The following TIAM1 variants were observed in gnomAD, a reference collection of about 807,000 sequenced individuals.
TIAM1 encodes TIAM Rac1 associated GEF 1, also known as rho guanine nucleotide exchange factor TIAM1.
In TIAM1, 65 loss-of-function variants were observed where a neutral mutation model predicts 163.5. That is an observed-to-expected ratio of 0.40 (90% CI 0.33 to 0.49). The LOEUF is 0.49. Among genes scored for constraint, TIAM1 ranks in the 20% least tolerant of loss-of-function variants. The pLI is 0.77. For missense variants in TIAM1, 1,789 were observed against 2,044.7 expected, an observed-to-expected ratio of 0.87 and a Z score of 2.41; for synonymous variants, 833 against 810.1, an observed-to-expected ratio of 1.03 and a Z score of -0.48.
chr21:31,333,888 G>A (rs1223925796), intron 2 of TIAM1, among the ~76,000 whole-genome samples: 4 of 152,132 alleles, frequency 2.6e-5, no homozygotes, highest in Non-Finnish European at 5.9e-5. Context: ...ATGAATAAAT[G>A]AGCTAACCAT....
At chr21:31,379,557 A>T (rs549650757) in intron 2 of TIAM1, among the ~76,000 whole-genome samples, 1 of 152,292 alleles carries the variant, frequency 6.6e-6, no homozygotes, top group South Asian at 2.1e-4. Context: ...ACGTATGTCC[A>T]CACAAAAGCT....
intron 1 of TIAM1, among the ~76,000 whole-genome samples, chr21:31,508,465 T>C (rs9976139): frequency 0.64 from 95,497 of 149,886 alleles, 30,738 homozygotes; most frequent in East Asian, 0.96. Context: ...CTCGGCTCAC[T>C]GCAACCTCCG....
intron 10 of TIAM1, 150 bp downstream of exon 10, chr21:31,213,248 C>T: frequency 1.6e-6 from 1 of 620,566 alleles, no homozygotes; most frequent in African/African-American, 1.9e-5. Flanking sequence ...TTTTCCATCT[C>T]TTGTTGACTT....
chr21:31,353,384 T>C (rs1007560037), intron 2 of TIAM1, among the ~76,000 whole-genome samples: 4 of 152,190 alleles, frequency 2.6e-5, no homozygotes, highest in Non-Finnish European at 5.9e-5. Flanking sequence ...GAATTCCTCT[T>C]CCAGTCACAG....
intron 2 of TIAM1, among the ~76,000 whole-genome samples, chr21:31,425,689 T>C (rs551209481): frequency 2.1e-5 from 3 of 142,028 alleles, no homozygotes; most frequent in South Asian, 5.0e-4. Context: ...CTCTCTCTCT[T>C]TCTTTCTCTC....
chr21:31,460,775 T>C (rs563128239), intron 2 of TIAM1, among the ~76,000 whole-genome samples: 38 of 152,268 alleles, frequency 2.5e-4, no homozygotes, highest in Non-Finnish European at 4.7e-4. Flanking sequence ...TCTGAATGCA[T>C]TATAAAACAG....
intron 2 of TIAM1, among the ~76,000 whole-genome samples, chr21:31,364,895 T>C (rs2076473698): frequency 6.6e-6 from 1 of 152,186 alleles, no homozygotes; most frequent in Non-Finnish European, 1.5e-5. Flanking sequence ...AATATTTCAA[T>C]CTTTGCGAGC....
At chr21:31,200,087 C>G (rs962470914) in intron 12 of TIAM1, among the ~76,000 whole-genome samples, 10 of 152,136 alleles carry the variant, frequency 6.6e-5, no homozygotes, top group Admixed American at 3.9e-4. Flanking sequence ...AACTTGAATA[C>G]AGGTTCCACC....
At chr21:31,269,599 C>A (rs1328599313) in intron 3 of TIAM1, among the ~76,000 whole-genome samples, 1 of 151,756 alleles carries the variant, frequency 6.6e-6, no homozygotes, top group Non-Finnish European at 1.5e-5. Flanking sequence ...ACAGGAGACA[C>A]AATCTCCACT....
At chr21:31,520,760 T>C (rs560302519) in intron 1 of TIAM1, among the ~76,000 whole-genome samples, 1 of 152,228 alleles carries the variant, frequency 6.6e-6, no homozygotes, top group Non-Finnish European at 1.5e-5. Flanking sequence ...AGATTTATAT[T>C]GCACATCAAC....
intron 1 of TIAM1, among the ~76,000 whole-genome samples, chr21:31,339,831 A>G (rs1394563756): frequency 1.3e-5 from 2 of 152,200 alleles, no homozygotes; most frequent in South Asian, 4.1e-4. Context: ...AGTGTTACCA[A>G]TGAAAGCCAT....
intron 2 of TIAM1, among the ~76,000 whole-genome samples, chr21:31,312,907 T>C (rs1388048689): frequency 1.3e-5 from 2 of 152,224 alleles, no homozygotes; most frequent in African/African-American, 4.8e-5. Flanking sequence ...GAGGTTAGGT[T>C]ATGATACAGA....
intron 1 of TIAM1, among the ~76,000 whole-genome samples, chr21:31,339,847 C>T (rs894383543): frequency 7.2e-5 from 11 of 152,168 alleles, no homozygotes; most frequent in Non-Finnish European, 1.3e-4. Flanking sequence ...GCCATGCTAA[C>T]ACTTGTTTTC....
intron 2 of TIAM1, among the ~76,000 whole-genome samples, chr21:31,388,979 G>A (rs1275432247): frequency 6.6e-6 from 1 of 152,194 alleles, no homozygotes; most frequent in Non-Finnish European, 1.5e-5. Context: ...TCTGCAAAGG[G>A]CCGGATGGTA....
chr21:31,243,203 A>T lies in TIAM1; in HGVS notation c.1584+2285T>A, dbSNP rs1421242207. ...GCAAAACTTCATCTCAAAAAAAAAAAAAAAAAATATATATATATATATGTA... is the reference window on the plus strand; with the variant it reads ...GCAAAACTTCATCTCAAAAAAAAAATAAAAAAATATATATATATATATGTA... On this transcript the variant is annotated intron_variant, in intron 6 of 27. Coordinates refer to ENST00000541036, the MANE Select transcript of TIAM1 (RefSeq NM_001353694.2). Among the ~76,000 whole-genome samples the T allele has an allele frequency of 1.5e-3, 201 of 132,706 alleles. No homozygotes were observed. In the Middle Eastern group the frequency reaches 0.016, roughly 10 times the overall value. The allele number at this position is 132,706 out of a possible 152,430, so 87.1% of individuals were successfully genotyped here. A position where few individuals can be genotyped will look rare whatever the true frequency, so the allele number is the denominator to read the frequency against.
intron 10 of TIAM1, among the ~76,000 whole-genome samples, chr21:31,212,307 C>T (rs1333286634): frequency 1.3e-5 from 2 of 152,188 alleles, no homozygotes; most frequent in Admixed American, 1.3e-4. Context: ...CCACTGATGA[C>T]TGACACTACT....
intron 27 of TIAM1, among the ~76,000 whole-genome samples, chr21:31,122,946 T>C (rs2082056353): frequency 6.6e-6 from 1 of 152,202 alleles, no homozygotes; most frequent in African/African-American, 2.4e-5. Context: ...TCCTCTGACA[T>C]GAAGATTCTG....
chr21:31,267,516 AT>A (rs34794925), intron 3 of TIAM1, among the ~76,000 whole-genome samples: 7,733 of 137,874 alleles, frequency 0.056, 293 homozygotes, highest in African/African-American at 0.13. Context: ...TCGTTTTTTC[AT>A]TTTTTTTTTT....
At chr21:31,422,795 A>G (rs1042206014) in intron 2 of TIAM1, among the ~76,000 whole-genome samples, 1 of 152,170 alleles carries the variant, frequency 6.6e-6, no homozygotes, top group African/African-American at 2.4e-5. Context: ...TGCCATGGAC[A>G]TATTGGCTTT....
Sources: gnomAD v4.1 joint callset for allele counts (sites outside exome capture counted in the v4.1 genomes callset) on GRCh38, gnomAD v4.1.1 for gene constraint, MANE v1.5 for transcripts, NCBI Gene and HGNC (gene_info 2026-07-23, HGNC 2026-07-21) for gene names.